The following CELF2 variants were observed in gnomAD, a reference collection of about 807,000 sequenced individuals.
The protein encoded by CELF2 is CUG triplet repeat RNA-binding protein 2.
CELF2 carries 8 observed loss-of-function variants against 62.6 expected under a neutral mutation model. The observed-to-expected ratio is 0.13, with a 90% confidence interval of 0.07 to 0.23. CELF2 has a LOEUF of 0.23. Among genes scored for constraint, CELF2 ranks in the 10% least tolerant of loss-of-function variants. The probability of loss-of-function intolerance (pLI) is 1.00; values close to 1 mark genes in which losing one functional copy is unlikely to be tolerated. For synonymous variants in CELF2, 258 were observed against 250.0 expected (o/e 1.03, Z -0.30); for missense variants, 333 against 671.0 (o/e 0.50, Z 5.56).
the CELF2 span, among the ~76,000 whole-genome samples, chr10:10,601,623 C>T: frequency 6.6e-6 from 1 of 152,068 alleles, no homozygotes; most frequent in Non-Finnish European, 1.5e-5. Flanking sequence ...TAAGGAATGG[C>T]CCATCTGTGT....
chr10:10,503,197 C>T, the CELF2 span, among the ~76,000 whole-genome samples: 1 of 152,090 alleles, frequency 6.6e-6, no homozygotes, highest in East Asian at 1.9e-4. Context: ...AATTCATATT[C>T]TGCTATTGCT....
intron 1 of CELF2, among the ~76,000 whole-genome samples, chr10:10,866,856 GT>G (rs1228137204): frequency 6.7e-6 from 1 of 148,392 alleles, no homozygotes; most frequent in Non-Finnish European, 1.5e-5. Context: ...TGAGGCAGAG[GT>G]TGCAGTGAGC....
the CELF2 span, among the ~76,000 whole-genome samples, chr10:10,747,558 C>T: frequency 1.3e-5 from 2 of 152,044 alleles, no homozygotes; most frequent in Non-Finnish European, 2.9e-5. Context: ...AAGCGGGGAT[C>T]ATCAGGGATA....
chr10:11,111,592 G>A (rs1208063332), intron 1 of CELF2, among the ~76,000 whole-genome samples: 2 of 152,050 alleles, frequency 1.3e-5, no homozygotes, highest in African/African-American at 4.8e-5. Flanking sequence ...CTTATGGATT[G>A]GAGAGGATTC....
upstream of CELF2, among the ~76,000 whole-genome samples, chr10:11,016,813 A>C (rs1369552570): frequency 6.6e-6 from 1 of 152,244 alleles, no homozygotes; most frequent in African/African-American, 2.4e-5. This position sits in a 1 kb window ranked among gnomAD's most constrained non-coding sequence, Gnocchi z 5.2. Flanking sequence ...ATGTTTGTAT[A>C]GGTATATGGA....
chr10:11,315,050 G>A lies in CELF2; in HGVS notation c.1096+792G>A, dbSNP rs1023924967. ...AGGTTCTGTCCTCCACAGCCCACCC[G>A]CTCCTGTCATTCTCGGTTGATGGGG... On this transcript the variant is annotated intron_variant, in intron 10 of 12. Coordinates refer to ENST00000633077, the MANE Select transcript of CELF2 (RefSeq NM_001326342.2). The surrounding 1 kb of genome is among the most constrained non-coding windows in gnomAD (Gnocchi z 5.8). Among the ~76,000 whole-genome samples the A allele has an allele frequency of 2.0e-5, 3 of 152,106 alleles. No individual in the cohort carries two copies. Among genetic ancestry groups the A allele is most frequent in the South Asian group, 2.1e-4 (1 of 4,810 alleles).
chr10:10,679,794 C>A, the CELF2 span, among the ~76,000 whole-genome samples: 1 of 152,150 alleles, frequency 6.6e-6, no homozygotes, highest in Non-Finnish European at 1.5e-5. Flanking sequence ...ACATTGCTGT[C>A]CATTGAAAAA....
chr10:10,500,572 A>AT, the CELF2 span, among the ~76,000 whole-genome samples: 5 of 152,110 alleles, frequency 3.3e-5, no homozygotes, highest in African/African-American at 9.7e-5. Context: ...TTCCACCATG[A>AT]TTGTGAGGCC....
the CELF2 span, among the ~76,000 whole-genome samples, chr10:10,693,433 TG>T: frequency 6.6e-6 from 1 of 150,888 alleles, no homozygotes; most frequent in African/African-American, 2.4e-5. Flanking sequence ...TGAGGATTTT[TG>T]CATCAATGTT....
chr10:10,961,594 A>G (rs2049507398), intron 2 of CELF2, among the ~76,000 whole-genome samples: 2 of 151,838 alleles, frequency 1.3e-5, no homozygotes, highest in Admixed American at 6.5e-5. Flanking sequence ...TAAAAATACA[A>G]AATTAGCCGG....
At position 11,211,791 on chromosome 10, in the gene CELF2, T is replaced by TGAGA. The variant is rs144030698; in HGVS notation, c.272-5614_272-5611dup. On this transcript the variant is annotated intron_variant, in intron 2 of 12. Coordinates refer to ENST00000633077, the MANE Select transcript of CELF2 (RefSeq NM_001326342.2). The surrounding 1 kb of genome is among the most constrained non-coding windows in gnomAD (Gnocchi z 4.8). Reference sequence around the variant, plus strand: ...GAGTGAGAGTGTGTGTGTATGTGTGTGAGAGAGAGAGAGAGAGAGAGAGTG... The same window carrying TGAGA: ...GAGTGAGAGTGTGTGTGTATGTGTGTGAGAGAGAGAGAGAGAGAGAGAGAGAGTG... Among the ~76,000 whole-genome samples the TGAGA allele has an allele frequency of 1.7e-4, 23 of 135,538 alleles. No homozygotes were observed. Among genetic ancestry groups the TGAGA allele is most frequent in the African/African-American group, 4.6e-4 (16 of 34,760 alleles). 88.9% of individuals were successfully genotyped at this position (135,538 alleles called of 152,430 possible). A position where few individuals can be genotyped will look rare whatever the true frequency, so the allele number is the denominator to read the frequency against.
intron 1 of CELF2, among the ~76,000 whole-genome samples, chr10:10,830,932 T>C (rs1369839613): frequency 1.3e-5 from 2 of 152,224 alleles, no homozygotes; most frequent in African/African-American, 4.8e-5. Context: ...AAACAATAGA[T>C]GACACCATAT....
At chr10:11,131,756 T>C (rs1467641447) in intron 1 of CELF2, among the ~76,000 whole-genome samples, 2 of 152,182 alleles carry the variant, frequency 1.3e-5, no homozygotes, top group Non-Finnish European at 2.9e-5. Flanking sequence ...AGTATATAAG[T>C]TGGCTTTGGT....
intron 1 of CELF2, among the ~76,000 whole-genome samples, chr10:11,007,840 C>A (rs1484480683): frequency 2.0e-5 from 3 of 152,146 alleles, no homozygotes; most frequent in Admixed American, 6.6e-5. Flanking sequence ...GACGTGGAAA[C>A]CCCCACGTTG....
chr10:10,546,020 T>G, the CELF2 span, among the ~76,000 whole-genome samples: 1 of 152,140 alleles, frequency 6.6e-6, no homozygotes, highest in Non-Finnish European at 1.5e-5. Context: ...GAGAACAGCC[T>G]TGTGCTAAAC....
At chr10:11,301,115 C>A (rs1339503669) in intron 9 of CELF2, among the ~76,000 whole-genome samples, 1 of 151,926 alleles carries the variant, frequency 6.6e-6, no homozygotes, top group Non-Finnish European at 1.5e-5. Context: ...AAGACAAGGG[C>A]GAAGGGGAAA....
At chr10:10,858,272 G>T (rs1285615242) in intron 1 of CELF2, among the ~76,000 whole-genome samples, 1 of 152,108 alleles carries the variant, frequency 6.6e-6, no homozygotes, top group East Asian at 1.9e-4. Context: ...GCCTCTCTGT[G>T]GCCTCTCATC....
In CELF2 at chr10:11,207,406, GT is replaced by G. The variant is rs2060685300; in HGVS notation, c.272-10017del. Among the ~76,000 whole-genome samples, 1 of 152,204 alleles carries G rather than the reference GT, an allele frequency of 6.6e-6. No individual in the cohort carries two copies. Among genetic ancestry groups the G allele is most frequent in the African/African-American group, 2.4e-5 (1 of 41,456 alleles). ...GGATCTTGTGGCCAGTTGACAGAAA[GT>G]TGGTCCTAGCGTGTCAAATGGAGAG... On this transcript the variant is annotated intron_variant, in intron 2 of 12. Transcript: ENST00000633077. The surrounding 1 kb of genome is among the most constrained non-coding windows in gnomAD (Gnocchi z 4.1).
At chr10:11,239,892 A>G (rs943941002) in intron 3 of CELF2, among the ~76,000 whole-genome samples, 1 of 152,198 alleles carries the variant, frequency 6.6e-6, no homozygotes, top group Non-Finnish European at 1.5e-5. Context: ...CGTCTCTACA[A>G]AAATACAAAA....
Sources: allele counts gnomAD v4.1 joint callset (sites outside exome capture counted in the v4.1 genomes callset), GRCh38; gene constraint gnomAD v4.1.1; non-coding constraint Gnocchi (gnomAD v3.1); transcripts MANE v1.5; gene names NCBI Gene and HGNC (gene_info 2026-07-23, HGNC 2026-07-21).